The following MEGF11 variants were observed in gnomAD, a reference collection of about 807,000 sequenced individuals.
MEGF11 encodes the protein multiple epidermal growth factor-like domains protein 11.
A neutral mutation model predicts 146.6 loss-of-function variants in MEGF11; 126 were observed. The observed-to-expected ratio is 0.86, with a 90% CI of 0.74 to 1.00. The LOEUF (loss-of-function observed/expected upper bound fraction) is 1.00, where lower values mean the gene tolerates loss of function less well. Ranked by LOEUF, MEGF11 falls within the 50% of genes least tolerant of loss-of-function variation. The pLI, the probability that MEGF11 is intolerant of heterozygous loss-of-function variation, is 0.00. For missense variants in MEGF11, 1,509 were observed against 1,521.2 expected, an observed-to-expected ratio of 0.99 and a Z score of 0.13; for synonymous variants, 532 against 583.4, an observed-to-expected ratio of 0.91 and a Z score of 1.27.
rs773283263 is a variant in MEGF11 at position 65,982,353 on chromosome 15, G to T, written c.530C>A (p.Ala177Glu). The T allele has an allele frequency of 3.9e-6, 6 of 1,534,540 alleles. No homozygotes were observed. The East Asian group carries it at 1.5e-4, about 38-fold the overall frequency. The change falls in exon 6 of 26, where the codon GCA (alanine) becomes GAA (glutamate). Residue 177 changes from alanine to glutamate, a missense_variant. Coordinates refer to ENST00000395614, the MANE Select transcript of MEGF11 (RefSeq NM_001385028.1). This position sits in a 1 kb window ranked among gnomAD's most constrained non-coding sequence, Gnocchi z 5.6. The stretch of plus-strand genomic sequence containing the variant: ...GCATCCCTTGCCGTGGGTGCCAGGT[G>T]CGCAGAGCTCCTCGCAGCGCCATCC... ...FRGWRCEELC[A>E]PGTHGKGCQL...
intron 1 of MEGF11, among the ~76,000 whole-genome samples, chr15:66,169,337 T>C (rs2090182922): frequency 6.6e-6 from 1 of 152,226 alleles, no homozygotes; most frequent in Non-Finnish European, 1.5e-5. Flanking sequence ...CTCCACCGTC[T>C]GCCCAACAAA....
At chr15:65,924,311 G>A (rs2079283662) in intron 13 of MEGF11, among the ~76,000 whole-genome samples, 1 of 149,684 alleles carries the variant, frequency 6.7e-6, no homozygotes, top group African/African-American at 2.5e-5. Flanking sequence ...TTTTGCAGCA[G>A]GGTAGAGGCT....
At position 65,949,318 on chromosome 15, in the gene MEGF11, C is replaced by T. The variant is rs78454651; in HGVS notation, c.1287+8229G>A. 7.2e-3 allele frequency among the ~76,000 whole-genome samples: 1,093 copies of T among 152,282 alleles called. 5 individuals are homozygous for T. Among genetic ancestry groups the T allele is most frequent in the Non-Finnish European group, 0.011 (751 of 68,022 alleles). ...ATCTGAATTTTCATAACTCTTGCGC[C>T]CCGCTCCCACCTTCCCTGGTCAGAA... On this transcript the variant is annotated intron_variant, in intron 10 of 25. Transcript: ENST00000395614.
At chr15:65,915,835 C>T (rs1596831693) in intron 18 of MEGF11, among the ~76,000 whole-genome samples, 2 of 152,062 alleles carry the variant, frequency 1.3e-5, no homozygotes, top group Admixed American at 6.6e-5. Context: ...GCAGTATCTT[C>T]CACCTGCCAT....
chr15:66,070,487 A>G (rs1597051649), intron 5 of MEGF11, among the ~76,000 whole-genome samples: 1 of 152,366 alleles, frequency 6.6e-6, no homozygotes, highest in Non-Finnish European at 1.5e-5. Context: ...GGGATCACCA[A>G]TGAGCAAGCA....
At chr15:66,021,948 C>G (rs2083151162) in intron 5 of MEGF11, among the ~76,000 whole-genome samples, 1 of 152,170 alleles carries the variant, frequency 6.6e-6, no homozygotes. Context: ...GGGGACAGGG[C>G]AGTCCAGGGA....
intron 13 of MEGF11, 135 bp from the exon 14 acceptor site, chr15:65,923,104 G>A (rs150973189): frequency 5.0e-4 from 477 of 948,838 alleles, no homozygotes; most frequent in Admixed American, 1.2e-3. Flanking sequence ...GGAGAAACCC[G>A]GCTGAGGCTT....
At chr15:66,086,850 A>C (rs1008308765) in intron 5 of MEGF11, among the ~76,000 whole-genome samples, 1 of 152,226 alleles carries the variant, frequency 6.6e-6, no homozygotes, top group Non-Finnish European at 1.5e-5. Context: ...CATTGAATGT[A>C]ATTGGCCTAA....
chr15:66,209,658 A>G (rs946890500), intron 1 of MEGF11, among the ~76,000 whole-genome samples: 12 of 152,236 alleles, frequency 7.9e-5, no homozygotes, highest in Non-Finnish European at 1.5e-4. Flanking sequence ...AATGCCATTC[A>G]TAAAGGTTAC....
At chr15:66,155,007 T>C (rs1320366750) in intron 1 of MEGF11, among the ~76,000 whole-genome samples, 1 of 152,194 alleles carries the variant, frequency 6.6e-6, no homozygotes. Flanking sequence ...AAGGCCAAAT[T>C]AGAATCACAG....
chr15:66,090,652 C>G (rs910601280), intron 5 of MEGF11, among the ~76,000 whole-genome samples: 23 of 152,176 alleles, frequency 1.5e-4, no homozygotes, highest in African/African-American at 5.6e-4. Flanking sequence ...CCCCACGAAT[C>G]TTGGAAAAAG....
chr15:65,978,401 CAATT>C (rs1042348252), intron 7 of MEGF11, among the ~76,000 whole-genome samples: 36 of 152,356 alleles, frequency 2.4e-4, no homozygotes, highest in African/African-American at 8.4e-4. Flanking sequence ...AATAGAAATT[CAATT>C]GTCTACAATA....
rs1045233726 is a variant in MEGF11 at position 65,898,513 on chromosome 15, C to G, written c.3262+215G>C. The stretch of plus-strand genomic sequence containing the variant: ...CCCCAGTATTTGTTTCATATTAGTC[C>G]TGGTGTTTTTTAAAGCAGAGTTGGT... On this transcript the variant is annotated intron_variant, in intron 25 of 25. Transcript: ENST00000395614. The G allele has an allele frequency of 3.0e-6, 3 of 985,198 alleles. No homozygotes were observed. In the African/African-American group the frequency reaches 5.2e-5, roughly 17 times the overall value. 61.0% of individuals were successfully genotyped at this position (985,198 alleles called of 1,614,324 possible).
At chr15:66,242,933 G>T (rs528763976) in intron 1 of MEGF11, among the ~76,000 whole-genome samples, 2 of 152,274 alleles carry the variant, frequency 1.3e-5, no homozygotes, top group African/African-American at 4.8e-5. Flanking sequence ...GGGACACAAG[G>T]CTGAATTTTC....
intron 8 of MEGF11, among the ~76,000 whole-genome samples, chr15:65,969,032 G>A (rs2081211839): frequency 6.6e-6 from 1 of 152,186 alleles, no homozygotes; most frequent in African/African-American, 2.4e-5. Flanking sequence ...GAACCCTCCT[G>A]TGGTTGATTG....
chr15:66,003,152 G>C (rs747250760), intron 5 of MEGF11, among the ~76,000 whole-genome samples: 13 of 151,852 alleles, frequency 8.6e-5, no homozygotes, highest in Non-Finnish European at 1.3e-4. Context: ...CACCACCACG[G>C]CTGGCTAATT....
At chr15:66,156,663 C>T (rs911597902) in intron 1 of MEGF11, among the ~76,000 whole-genome samples, 12 of 152,080 alleles carry the variant, frequency 7.9e-5, no homozygotes, top group African/African-American at 2.9e-4. Flanking sequence ...GTCCGTGCCC[C>T]CTTCCAGTTC....
intron 9 of MEGF11, among the ~76,000 whole-genome samples, chr15:65,963,484 G>A (rs2080942554): frequency 1.3e-5 from 2 of 151,780 alleles, no homozygotes; most frequent in Admixed American, 1.3e-4. Flanking sequence ...TCATATCTCT[G>A]ATATTGGCTA....
In MEGF11 at chr15:65,982,304, G is replaced by A. The variant is rs1237914721; in HGVS notation, c.579C>T (p.His193=). 5 of 1,538,574 alleles carry A rather than the reference G, an allele frequency of 3.2e-6. No homozygotes were observed. The highest frequency in any genetic ancestry group is 2.0e-5 in the Admixed American group (1 of 50,848). ...KGCQLPCQCR[H]GASCDPRAGE... ...CGGCGCGGGGGTCGCAGCTGGCACC[G>A]TGTCGGCACTGGCACGGCAGCTGGC... Residue 193 remains histidine (H), a synonymous_variant, in exon 6 of 26, where the codon CAC becomes CAT. Transcript: ENST00000395614. This position sits in a 1 kb window ranked among gnomAD's most constrained non-coding sequence, Gnocchi z 5.6.
Sources: allele counts gnomAD v4.1 joint callset (sites outside exome capture counted in the v4.1 genomes callset), GRCh38; gene constraint gnomAD v4.1.1; non-coding constraint Gnocchi (gnomAD v3.1); transcripts MANE v1.5; gene names NCBI Gene and HGNC (gene_info 2026-07-23, HGNC 2026-07-21).